The following RNF217 variants were observed in gnomAD, a reference collection of about 807,000 sequenced individuals.
RNF217 encodes the protein E3 ubiquitin-protein ligase RNF217.
In RNF217, 31 loss-of-function variants were observed where a neutral mutation model predicts 57.8. That is an observed-to-expected ratio of 0.54 (90% CI 0.40 to 0.72). The LOEUF (loss-of-function observed/expected upper bound fraction) is 0.72, where lower values mean the gene tolerates loss of function less well. Among genes scored for constraint, RNF217 ranks in the 30% least tolerant of loss-of-function variants. The pLI is 0.00. For missense variants in RNF217, 696 were observed against 708.3 expected (o/e 0.98, Z 0.20); for synonymous variants, 313 against 294.0 (o/e 1.06, Z -0.66).
At position 125,087,852 on chromosome 6, in the gene RNF217, A is replaced by G. The variant is rs1788814501; in HGVS notation, c.*4915A>G. 6.6e-6 allele frequency: 1 copy of G among 152,094 alleles called. No individual in the cohort carries two copies. The highest frequency in any genetic ancestry group is 2.1e-4 in the South Asian group (1 of 4,828). The allele number at this position is 152,094 out of a possible 1,614,324, so 9.4% of individuals were successfully genotyped here. On this transcript the variant is annotated 3_prime_UTR_variant, in exon 6 of 6. Transcript: ENST00000521654. ...TACTGAAAGTTTTAACTGCAATTTC[A>G]TAATTCATGAATTCTATAAAAGAAA...
intron 1 of RNF217, among the ~76,000 whole-genome samples, chr6:125,017,075 T>C (rs1472188610): frequency 1.3e-5 from 2 of 152,184 alleles, no homozygotes; most frequent in Non-Finnish European, 2.9e-5. Flanking sequence ...CTTTTCCCTT[T>C]TGCTGCAGTA....
intron 1 of RNF217, among the ~76,000 whole-genome samples, chr6:125,001,447 GTTACCA>G: frequency 6.6e-6 from 1 of 152,264 alleles, no homozygotes; most frequent in South Asian, 2.1e-4. Context: ...CCGTATTAAT[GTTACCA>G]CCAGTCTTAT....
intron 1 of RNF217, among the ~76,000 whole-genome samples, chr6:125,023,255 G>A (rs1412548784): frequency 6.6e-6 from 1 of 152,146 alleles, no homozygotes; most frequent in Admixed American, 6.5e-5. Flanking sequence ...AAAAGCATGC[G>A]GAGGAGCCCA....
intron 1 of RNF217, chr6:124,983,487 T>C (rs576340063): frequency 1.0e-6 from 1 of 984,564 alleles, no homozygotes; most frequent in East Asian, 1.1e-4. Context: ...CACTTGTCAC[T>C]AATGAAAAGG....
chr6:124,966,416 G>C (rs1783543433), intron 1 of RNF217, among the ~76,000 whole-genome samples: 1 of 152,228 alleles, frequency 6.6e-6, no homozygotes, highest in South Asian at 2.1e-4. Flanking sequence ...ACATCAAAAG[G>C]GCATAGTGAG....
rs34412026 is a variant in RNF217, at chr6:125,088,014, C to CTTTTTTTTT, written c.*5091_*5099dup. The stretch of plus-strand genomic sequence containing the variant: ...AATATGGAAAATAAGTTACAAAATT[C>CTTTTTTTTT]TTTTTTTTTTTTTTTTTTTTTTGAG... On this transcript the variant is annotated 3_prime_UTR_variant, in exon 6 of 6. Transcript: ENST00000521654. 1 of 100,858 alleles carries CTTTTTTTTT rather than the reference C, an allele frequency of 9.9e-6. No individual in the cohort carries two copies. The highest frequency in any genetic ancestry group is 1.9e-5 in the Non-Finnish European group (1 of 51,728). 6.2% of individuals were successfully genotyped at this position (100,858 alleles called of 1,614,324 possible).
chr6:125,014,517 G>A (rs1231428690), intron 1 of RNF217, among the ~76,000 whole-genome samples: 3 of 152,164 alleles, frequency 2.0e-5, no homozygotes, highest in Non-Finnish European at 4.4e-5. Flanking sequence ...CCTTTCTGAT[G>A]CAGGAAATGA....
At chr6:125,007,957 C>A (rs1458081539) in intron 1 of RNF217, among the ~76,000 whole-genome samples, 2 of 151,960 alleles carry the variant, frequency 1.3e-5, no homozygotes, top group Non-Finnish European at 1.5e-5. Flanking sequence ...TAAAAATATG[C>A]TATAATAAAA....
Position 125,083,723 on chromosome 6 carries a change from C to T in RNF217, c.*786C>T, listed in dbSNP as rs1213267464. 2 of 151,940 alleles carry T rather than the reference C, an allele frequency of 1.3e-5. No homozygotes were observed. The highest frequency in any genetic ancestry group is 2.9e-5 in the Non-Finnish European group (2 of 67,948). 9.4% of individuals were successfully genotyped at this position (151,940 alleles called of 1,614,324 possible). On this transcript the variant is annotated 3_prime_UTR_variant, in exon 6 of 6. Transcript: ENST00000521654. Reference sequence around the variant, plus strand: ...ATTAAAGTCAATGTAGACAACAGGCCATTTCGATACTGAACTTTTCTATTT... The same window carrying T: ...ATTAAAGTCAATGTAGACAACAGGCTATTTCGATACTGAACTTTTCTATTT...
chr6:124,994,988 G>A (rs1784694012), intron 1 of RNF217, among the ~76,000 whole-genome samples: 1 of 152,092 alleles, frequency 6.6e-6, no homozygotes, highest in South Asian at 2.1e-4. Flanking sequence ...GTAAAAATGG[G>A]ATGTTACGTA....
intron 1 of RNF217, among the ~76,000 whole-genome samples, chr6:124,988,733 A>G (rs1195494507): frequency 6.6e-6 from 1 of 152,226 alleles, no homozygotes; most frequent in Non-Finnish European, 1.5e-5. Flanking sequence ...TTCTCTAATT[A>G]AAGTTCTTTA....
intron 3 of RNF217, among the ~76,000 whole-genome samples, chr6:125,069,727 A>G (rs942141323): frequency 6.6e-6 from 1 of 152,180 alleles, no homozygotes; most frequent in East Asian, 1.9e-4. Flanking sequence ...ACTGCTTTCC[A>G]CAGTGATTGA....
chr6:124,994,922 G>T (rs77696651), intron 1 of RNF217, among the ~76,000 whole-genome samples: 1,700 of 152,240 alleles, frequency 0.011, 30 homozygotes, highest in African/African-American at 0.039. Flanking sequence ...TATACTACGA[G>T]AATTTTTTAT....
At chr6:124,963,956 C>T (rs1783420802) in intron 1 of RNF217, among the ~76,000 whole-genome samples, 1 of 152,224 alleles carries the variant, frequency 6.6e-6, no homozygotes, top group African/African-American at 2.4e-5. Flanking sequence ...CCTTTTTCCA[C>T]AGTAAAGTTG....
At chr6:125,016,302 C>T (rs1220083776) in intron 1 of RNF217, among the ~76,000 whole-genome samples, 3 of 151,910 alleles carry the variant, frequency 2.0e-5, no homozygotes, top group East Asian at 1.9e-4. Context: ...CGAATTTTAC[C>T]GTGAAGGAGA....
intron 1 of RNF217, among the ~76,000 whole-genome samples, chr6:124,984,762 A>G (rs547669218): frequency 1.6e-4 from 25 of 152,256 alleles, no homozygotes; most frequent in African/African-American, 5.5e-4. Flanking sequence ...TAACCTTAGT[A>G]TGGAAAAATA....
intron 1 of RNF217, among the ~76,000 whole-genome samples, chr6:124,991,265 C>T (rs1784551014): frequency 1.3e-5 from 2 of 152,182 alleles, no homozygotes; most frequent in Admixed American, 1.3e-4. Flanking sequence ...GGACTCTTTG[C>T]TCTTTCTCAC....
At chr6:124,992,460 G>A (rs1252092618) in intron 1 of RNF217, among the ~76,000 whole-genome samples, 2 of 152,058 alleles carry the variant, frequency 1.3e-5, no homozygotes, top group Admixed American at 6.6e-5. Context: ...GCTGGTTTGT[G>A]GTTTATATTT....
In RNF217 at chr6:125,028,013, T is replaced by C. The variant is rs575037131; in HGVS notation, c.883-17198T>C. On this transcript the variant is annotated intron_variant, in intron 1 of 5. Transcript: ENST00000521654. ...TGTAGGGTTGTTTGGACTCCTTATA[T>C]ATTCTGGTGATTAATTTCTTATCAG... Among the ~76,000 whole-genome samples, 8 of 152,256 alleles carry C rather than the reference T, an allele frequency of 5.3e-5. No homozygotes were observed. The South Asian group carries it at 1.7e-3, about 32-fold the overall frequency.
Sources: gnomAD v4.1 joint callset for allele counts (sites outside exome capture counted in the v4.1 genomes callset) on GRCh38, gnomAD v4.1.1 for gene constraint, MANE v1.5 for transcripts, NCBI Gene and HGNC (gene_info 2026-07-23, HGNC 2026-07-21) for gene names.